The following TMEM14C variants were observed in gnomAD, a reference collection of about 807,000 sequenced individuals.
TMEM14C encodes the protein transmembrane protein 14C.
In TMEM14C, 13 loss-of-function variants were observed where a neutral mutation model predicts 14.8. The observed-to-expected ratio is 0.88, with a 90% CI of 0.57 to 1.40. The LOEUF (loss-of-function observed/expected upper bound fraction) is 1.40, where lower values mean the gene tolerates loss of function less well. Among genes scored for constraint, TMEM14C ranks in the 40% most tolerant of loss-of-function variants. The pLI is 0.00. For synonymous variants in TMEM14C, 57 were observed against 51.3 expected, an observed-to-expected ratio of 1.11 and a Z score of -0.48; for missense variants, 142 against 138.8, an observed-to-expected ratio of 1.02 and a Z score of -0.12.
chr6:10,730,396 G>A (rs573150713), intron 5 of TMEM14C, among the ~76,000 whole-genome samples: 1 of 152,194 alleles, frequency 6.6e-6, no homozygotes. Flanking sequence ...CAAATTATTG[G>A]CAGTTGGGTT....
rs1202448601 is a variant in TMEM14C, at chr6:10,731,085, T to C, written c.*419T>C. 1.2e-5 allele frequency: 12 copies of C among 985,702 alleles called. No individual in the cohort carries two copies. The South Asian group carries it at 5.2e-4, about 42-fold the overall frequency. The allele number at this position is 985,702 out of a possible 1,614,324, so 61.1% of individuals were successfully genotyped here. On this transcript the variant is annotated 3_prime_UTR_variant, in exon 6 of 6. Coordinates refer to ENST00000229563, the MANE Select transcript of TMEM14C (RefSeq NM_016462.4). ...AGACCACAGACTGACTTTGAAATTATGTTAAGTGAAATATCAATGAAAATA... is the reference window on the plus strand; with the variant it reads ...AGACCACAGACTGACTTTGAAATTACGTTAAGTGAAATATCAATGAAAATA...
chr6:10,729,376 G>T (rs1215756551), intron 5 of TMEM14C, among the ~76,000 whole-genome samples: 1 of 151,966 alleles, frequency 6.6e-6, no homozygotes, highest in Non-Finnish European at 1.5e-5. Context: ...CTTGTGATCC[G>T]CCCACTTCGG....
In TMEM14C at chr6:10,730,817, T is replaced by G; in HGVS notation, c.*151T>G. Reference sequence around the variant, plus strand: ...CCAAACTTGGCAGAGAGGTGGAAAATCAGTCATGATTACAAACCTACAGAG... The same window carrying G: ...CCAAACTTGGCAGAGAGGTGGAAAAGCAGTCATGATTACAAACCTACAGAG... On this transcript the variant is annotated 3_prime_UTR_variant, in exon 6 of 6. Coordinates refer to ENST00000229563, the MANE Select transcript of TMEM14C (RefSeq NM_016462.4). 3.1e-5 allele frequency: 42 copies of G among 1,352,848 alleles called. No individual in the cohort carries two copies. Among genetic ancestry groups the G allele is most frequent in the Non-Finnish European group, 4.0e-5 (42 of 1,047,254 alleles). 83.8% of individuals were successfully genotyped at this position (1,352,848 alleles called of 1,614,324 possible).
At chr6:10,728,886 C>G in intron 5 of TMEM14C, 159 bp downstream of exon 5, 1 of 1,491,008 alleles carries the variant, frequency 6.7e-7, no homozygotes, top group Non-Finnish European at 9.0e-7. Context: ...AAAACAATAG[C>G]TAGTTTAATG....
At position 10,731,061 on chromosome 6, in the gene TMEM14C, G is replaced by C. The variant is rs1771009542; in HGVS notation, c.*395G>C. 1 of 987,994 alleles carries C rather than the reference G, an allele frequency of 1.0e-6. No individual in the cohort carries two copies. Among genetic ancestry groups the C allele is most frequent in the South Asian group, 4.7e-5 (1 of 21,350 alleles). 61.2% of individuals were successfully genotyped at this position (987,994 alleles called of 1,614,324 possible). ...AATATCTGTTCTTTTGCTCATCTTA[G>C]ACCACAGACTGACTTTGAAATTATG... On this transcript the variant is annotated 3_prime_UTR_variant, in exon 6 of 6. Coordinates refer to ENST00000229563, the MANE Select transcript of TMEM14C (RefSeq NM_016462.4).
At chr6:10,725,124 A>C in intron 3 of TMEM14C, 87 bp downstream of exon 3, 4 of 1,542,158 alleles carry the variant, frequency 2.6e-6, no homozygotes, top group Non-Finnish European at 3.6e-6. Context: ...AAGCAATCTC[A>C]TTTGAGTCAG....
intron 3 of TMEM14C, 86 bp downstream of exon 3, chr6:10,725,123 C>T (rs1017013376): frequency 2.6e-6 from 4 of 1,540,606 alleles, no homozygotes; most frequent in Non-Finnish European, 2.7e-6. Context: ...GAAGCAATCT[C>T]ATTTGAGTCA....
At position 10,730,882 on chromosome 6, in the gene TMEM14C, T is replaced by C. The variant is rs561663026; in HGVS notation, c.*216T>C. On this transcript the variant is annotated 3_prime_UTR_variant, in exon 6 of 6. Coordinates refer to ENST00000229563, the MANE Select transcript of TMEM14C (RefSeq NM_016462.4). Reference sequence around the variant, plus strand: ...ACACAAGAGCTTAATAAGACCCTCATAGAGCTTGATTCTTGTATATTGATG... The same window carrying C: ...ACACAAGAGCTTAATAAGACCCTCACAGAGCTTGATTCTTGTATATTGATG... 3.9e-5 allele frequency: 47 copies of C among 1,216,764 alleles called. 1 individual carries two copies. The highest frequency in any genetic ancestry group is 4.1e-5 in the Non-Finnish European group (40 of 972,812). The allele number at this position is 1,216,764 out of a possible 1,614,324, so 75.4% of individuals were successfully genotyped here.
intron 3 of TMEM14C, among the ~76,000 whole-genome samples, chr6:10,725,545 C>T (rs945018714): frequency 6.6e-6 from 1 of 152,148 alleles, no homozygotes; most frequent in African/African-American, 2.4e-5. Context: ...ATCTCCTTCT[C>T]CTTTTGTGAT....
At chr6:10,728,572 C>A (rs1053553769) in intron 4 of TMEM14C, 68 bp from the exon 5 acceptor site, 1 of 1,535,874 alleles carries the variant, frequency 6.5e-7, no homozygotes, top group African/African-American at 1.4e-5. Flanking sequence ...TGGGGCTTGG[C>A]CCACTTCTGA....
chr6:10,728,642 A>T lies in TMEM14C; in HGVS notation c.202A>T (p.Thr68Ser), dbSNP rs1770938852. ...CTTCTTTATATGTTTTTCATCAGCT[A>T]CATCTGGTACCTTGGCTGGCATTAT... ...DPRNVWVFLATSGTLAGIMGM... is the reference protein window; with the variant it reads ...DPRNVWVFLASSGTLAGIMGM... Residue 68 changes from threonine (T) to serine (S), a missense_variant and splice_region_variant, in exon 5 of 6, where the codon ACA becomes TCA. Thr to Ser is a moderately conservative substitution (Grantham distance 58, BLOSUM62 1). Transcript: ENST00000229563. 1.2e-6 allele frequency: 2 copies of T among 1,614,022 alleles called. No homozygotes were observed. Among genetic ancestry groups the T allele is most frequent in the South Asian group, 1.1e-5 (1 of 91,074 alleles).
At position 10,726,300 on chromosome 6, in the gene TMEM14C, C is replaced by G. The variant is rs1211723981; in HGVS notation, c.199+292C>G. 2.0e-5 allele frequency among the ~76,000 whole-genome samples: 3 copies of G among 152,180 alleles called. No homozygotes were observed. In the East Asian group the frequency reaches 5.8e-4, roughly 29 times the overall value. ...AAATGTATCAACCGTTGAGGTTGCC[C>G]ACTGAAGACCTTTGGCTTCAGCATC... On this transcript the variant is annotated intron_variant, in intron 4 of 5. Coordinates refer to ENST00000229563, the MANE Select transcript of TMEM14C (RefSeq NM_016462.4).
Position 10,726,017 on chromosome 6 carries a change from G to A in TMEM14C, c.199+9G>A, listed in dbSNP as rs1581598848. 6.2e-7 allele frequency: 1 copy of A among 1,613,966 alleles called. No individual in the cohort carries two copies. Among genetic ancestry groups the A allele is most frequent in the Non-Finnish European group, 8.5e-7 (1 of 1,179,972 alleles). On this transcript the variant is annotated intron_variant, in intron 4 of 5. Coordinates refer to ENST00000229563, the MANE Select transcript of TMEM14C (RefSeq NM_016462.4). ...CGTTTGGGTTTTCCTAGGTATGTCT[G>A]CTTTGGCGTCTCCTTAGGGCAGCTA...
In TMEM14C at chr6:10,731,000, G is replaced by T; in HGVS notation, c.*334G>T. On this transcript the variant is annotated 3_prime_UTR_variant, in exon 6 of 6. Transcript: ENST00000229563. The stretch of plus-strand genomic sequence containing the variant: ...TCTGAAACCCCATTCCCTGCTCTGA[G>T]GAACAGTGTGAAAAAAAGTCTTTTA... 9.9e-7 allele frequency: 1 copy of T among 1,010,596 alleles called. No individual in the cohort carries two copies. The highest frequency in any genetic ancestry group is 1.2e-6 in the Non-Finnish European group (1 of 846,716). 62.6% of individuals were successfully genotyped at this position (1,010,596 alleles called of 1,614,324 possible). A position where few individuals can be genotyped will look rare whatever the true frequency, so the allele number is the denominator to read the frequency against.
chr6:10,728,917 C>A lies in TMEM14C; in HGVS notation c.287+190C>A, dbSNP rs554058749. ...TAATGTCAAAATGGCATGAGTATAT[C>A]CATTCACCGTGGAAATGGGTTTGTT... On this transcript the variant is annotated intron_variant, in intron 5 of 5. Coordinates refer to ENST00000229563, the MANE Select transcript of TMEM14C (RefSeq NM_016462.4). 57 of 1,351,248 alleles carry A rather than the reference C, an allele frequency of 4.2e-5. No homozygotes were observed. In the East Asian group the frequency reaches 1.3e-3, roughly 31 times the overall value. 83.7% of individuals were successfully genotyped at this position (1,351,248 alleles called of 1,614,324 possible).
At chr6:10,729,955 G>A (rs1410689055) in intron 5 of TMEM14C, among the ~76,000 whole-genome samples, 3 of 151,990 alleles carry the variant, frequency 2.0e-5, no homozygotes, top group Non-Finnish European at 4.4e-5. Flanking sequence ...AAAATTAGCC[G>A]GGCATGGTGG....
intron 1 of TMEM14C, among the ~76,000 whole-genome samples, chr6:10,723,486 C>T (rs553896285): frequency 6.6e-6 from 1 of 151,980 alleles, no homozygotes; most frequent in Non-Finnish European, 1.5e-5. Flanking sequence ...TGGTGATTTT[C>T]TTGCTCCATC....
chr6:10,728,521 A>AG (rs986040741), intron 4 of TMEM14C, 119 bp from the exon 5 acceptor site: 4 of 1,059,810 alleles, frequency 3.8e-6, no homozygotes, highest in Non-Finnish European at 5.5e-6. Context: ...TTGGGGAAAG[A>AG]GGAATAAGCA....
chr6:10,724,744 G>A (rs1435365708), intron 2 of TMEM14C, 111 bp downstream of exon 2: 4 of 1,352,038 alleles, frequency 3.0e-6, no homozygotes, highest in African/African-American at 2.8e-5. Context: ...CATGGGGGAT[G>A]GGAGGATCAC....
Sources: gnomAD v4.1 joint callset for allele counts (sites outside exome capture counted in the v4.1 genomes callset) on GRCh38, gnomAD v4.1.1 for gene constraint, MANE v1.5 for transcripts, NCBI Gene and HGNC (gene_info 2026-07-23, HGNC 2026-07-21) for gene names.